Variants in DEFB123 observed in about 807,000 individuals in gnomAD.
DEFB123 encodes the protein defensin beta 123.
For synonymous variants in DEFB123, 22 were observed against 28.3 expected (o/e 0.78, Z 0.71); for missense variants, 71 against 75.0 (o/e 0.95, Z 0.20).
At chr20:31,447,695 C>T (rs549932979) in intron 1 of DEFB123, among the ~76,000 whole-genome samples, 3 of 150,750 alleles carry the variant, frequency 2.0e-5, no homozygotes, top group East Asian at 1.9e-4. Context: ...CAGCTCACTG[C>T]AGCCTCGACC....
intron 1 of DEFB123, among the ~76,000 whole-genome samples, chr20:31,443,106 T>C (rs1271177083): frequency 1.3e-5 from 2 of 152,172 alleles, no homozygotes; most frequent in African/African-American, 4.8e-5. Flanking sequence ...ACGACCCTCG[T>C]TGGATGTGGT....
chr20:31,444,734 C>A (rs1209823196), intron 1 of DEFB123, among the ~76,000 whole-genome samples: 1 of 152,176 alleles, frequency 6.6e-6, no homozygotes, highest in Non-Finnish European at 1.5e-5. Flanking sequence ...CCACATAATA[C>A]AAGTGTGCAG....
chr20:31,446,140 G>A lies in DEFB123; in HGVS notation c.59-3889G>A, dbSNP rs552305889. On this transcript the variant is annotated intron_variant, in intron 1 of 1. Transcript: ENST00000376309. ...CCAAAGGACCTGTGGGTGGTTGGGGGCGCAGGAGGAGTCACCAAACGAAGA... is the reference window on the plus strand; with the variant it reads ...CCAAAGGACCTGTGGGTGGTTGGGGACGCAGGAGGAGTCACCAAACGAAGA... Among the ~76,000 whole-genome samples the A allele has an allele frequency of 3.9e-5, 6 of 152,336 alleles. No homozygotes were observed. The East Asian group carries it at 7.7e-4, about 20-fold the overall frequency.
chr20:31,445,141 G>C (rs1979556336), intron 1 of DEFB123, among the ~76,000 whole-genome samples: 2 of 152,116 alleles, frequency 1.3e-5, no homozygotes, highest in African/African-American at 2.4e-5. Flanking sequence ...GTGTTCCTCT[G>C]ACCTCTGCAT....
chr20:31,449,455 G>T (rs762932062), intron 1 of DEFB123, among the ~76,000 whole-genome samples: 16 of 152,058 alleles, frequency 1.1e-4, no homozygotes, highest in Admixed American at 2.6e-4. Context: ...ATTTTACAGG[G>T]TCTTTCCACT....
chr20:31,446,074 G>A (rs1024846124), intron 1 of DEFB123, among the ~76,000 whole-genome samples: 6 of 152,224 alleles, frequency 3.9e-5, no homozygotes, highest in Middle Eastern at 3.4e-3. Flanking sequence ...GCAGTCTGAC[G>A]GTCAGATCTA....
intron 1 of DEFB123, among the ~76,000 whole-genome samples, chr20:31,442,424 G>C (rs368070561): frequency 6.6e-6 from 1 of 152,030 alleles, no homozygotes; most frequent in Non-Finnish European, 1.5e-5. Context: ...GGTAGAACTG[G>C]GAACAAAACA....
intron 1 of DEFB123, among the ~76,000 whole-genome samples, chr20:31,448,535 T>C (rs1473531172): frequency 7.4e-5 from 4 of 53,928 alleles, no homozygotes; most frequent in Non-Finnish European, 1.9e-4. Context: ...CACTCTGCTC[T>C]TTTTTCCCCC....
At position 31,450,148 on chromosome 20, in the gene DEFB123, C is replaced by T. The variant is rs982500093; in HGVS notation, c.178C>T (p.Pro60Ser). ...GTGCTGCGTGAAGCCCAAGTACCAG[C>T]CAAAAGAAAGGTGGTGGCCATTTTA... The part of the protein sequence containing the change: ...KMCCVKPKYQ[P>S]KERWWPF Residue 60 changes from proline to serine, a missense_variant, in exon 2 of 2, where the codon CCA becomes TCA. Coordinates refer to ENST00000376309, the MANE Select transcript of DEFB123 (RefSeq NM_153324.4). 2.5e-6 allele frequency: 4 copies of T among 1,606,362 alleles called. No homozygotes were observed. The highest frequency in any genetic ancestry group is 2.3e-5 in the East Asian group (1 of 44,212).
chr20:31,441,507 G>A (rs1172819763), intron 1 of DEFB123, among the ~76,000 whole-genome samples: 2 of 152,068 alleles, frequency 1.3e-5, no homozygotes, highest in African/African-American at 4.8e-5. Context: ...TAGGAGAGAG[G>A]CGGGGGTAAA....
At chr20:31,446,141 C>T (rs969841976) in intron 1 of DEFB123, among the ~76,000 whole-genome samples, 5 of 152,146 alleles carry the variant, frequency 3.3e-5, no homozygotes, top group African/African-American at 1.2e-4. Context: ...TGGTTGGGGG[C>T]GCAGGAGGAG....
intron 1 of DEFB123, among the ~76,000 whole-genome samples, chr20:31,449,620 G>A (rs1979684538): frequency 6.6e-6 from 1 of 151,886 alleles, no homozygotes; most frequent in Non-Finnish European, 1.5e-5. Context: ...ACTACAGGGT[G>A]GGCCAGGCAT....
At chr20:31,446,630 T>G (rs561552077) in intron 1 of DEFB123, among the ~76,000 whole-genome samples, 7 of 152,362 alleles carry the variant, frequency 4.6e-5, no homozygotes, top group African/African-American at 1.7e-4. Context: ...GTGCAGTTCC[T>G]GCACCAGGTC....
At chr20:31,444,665 A>G (rs1979542874) in intron 1 of DEFB123, among the ~76,000 whole-genome samples, 1 of 152,228 alleles carries the variant, frequency 6.6e-6, no homozygotes, top group African/African-American at 2.4e-5. Flanking sequence ...TTGTTGTTAA[A>G]TGGTGGCTTT....
At chr20:31,445,189 A>C (rs1979557581) in intron 1 of DEFB123, among the ~76,000 whole-genome samples, 1 of 152,222 alleles carries the variant, frequency 6.6e-6, no homozygotes, top group Non-Finnish European at 1.5e-5. Context: ...AGGTTTGATC[A>C]GGCTCAAGTT....
At chr20:31,442,766 G>A (rs1035209445) in intron 1 of DEFB123, among the ~76,000 whole-genome samples, 3 of 151,870 alleles carry the variant, frequency 2.0e-5, no homozygotes, top group South Asian at 2.1e-4. Context: ...CTGCAACCAC[G>A]CCTGGCAAAT....
intron 1 of DEFB123, 142 bp from the exon 2 acceptor site, chr20:31,449,887 A>C: frequency 9.3e-7 from 1 of 1,078,902 alleles, no homozygotes; most frequent in Non-Finnish European, 1.3e-6. Context: ...TAAAGGAAAA[A>C]CAGTGATAGA....
chr20:31,445,526 T>C (rs1186393834), intron 1 of DEFB123, among the ~76,000 whole-genome samples: 1 of 108,346 alleles, frequency 9.2e-6, no homozygotes. Flanking sequence ...TCTCCCCAAA[T>C]TGTGATCAAA....
intron 1 of DEFB123, among the ~76,000 whole-genome samples, chr20:31,441,817 G>A (rs1304620381): frequency 2.0e-5 from 3 of 152,116 alleles, no homozygotes; most frequent in Non-Finnish European, 2.9e-5. Flanking sequence ...CCCAGACCCC[G>A]GGTTAAAACC....
Sources: allele counts gnomAD v4.1 joint callset (sites outside exome capture counted in the v4.1 genomes callset), GRCh38; gene constraint gnomAD v4.1.1; transcripts MANE v1.5; gene names NCBI Gene and HGNC (gene_info 2026-07-23, HGNC 2026-07-21).